Variants in PRKACA observed in about 807,000 individuals in gnomAD.
PRKACA encodes protein kinase cAMP-activated catalytic subunit alpha, also known as cAMP-dependent protein kinase catalytic subunit alpha.
PRKACA carries 9 observed loss-of-function variants against 45.8 expected under a neutral mutation model. The observed-to-expected ratio is 0.20, with a 90% CI of 0.12 to 0.34. The LOEUF (loss-of-function observed/expected upper bound fraction) is 0.34. Among genes scored for constraint, PRKACA ranks in the 10% least tolerant of loss-of-function variants. PRKACA has a pLI of 1.00. For synonymous variants in PRKACA, 160 were observed against 178.6 expected (o/e 0.90, Z 0.83); for missense variants, 238 against 458.6 (o/e 0.52, Z 4.39).
Position 14,117,567 on chromosome 19 carries a change from G to A in PRKACA, c.-20C>T, listed in dbSNP as rs918222384. 282 of 1,145,134 alleles carry A rather than the reference G, an allele frequency of 2.5e-4. No individual in the cohort carries two copies. Among genetic ancestry groups the A allele is most frequent in the Non-Finnish European group, 2.9e-4 (267 of 931,584 alleles). 70.9% of individuals were successfully genotyped at this position (1,145,134 alleles called of 1,614,324 possible). The stretch of plus-strand genomic sequence containing the variant: ...GCCCATCGCGGCGGCGGCGGCCGGG[G>A]CCGGTCCCGGAGCTGCGGCGCGGCG... On this transcript the variant is annotated 5_prime_UTR_variant, in exon 1 of 10. Transcript: ENST00000308677.
At chr19:14,108,997 G>A (rs908469281) in intron 1 of PRKACA, among the ~76,000 whole-genome samples, 3 of 151,162 alleles carry the variant, frequency 2.0e-5, no homozygotes, top group Admixed American at 6.6e-5. Context: ...CAAAGTGCTG[G>A]GATTACAGGC....
In PRKACA at chr19:14,097,819, A is replaced by G; in HGVS notation, c.491T>C (p.Ile164Thr). ...ATTCTCCGGCTTCAGGTCCCTGTAG[A>G]TGAGATCCAGCGAGTGCAGATACTC... ...TFEYLHSLDL[I>T]YRDLKPENLL... The change falls in exon 6 of 10, where the codon ATC becomes ACC. Residue 164 changes from isoleucine to threonine, a missense_variant. Ile to Thr is a moderately conservative substitution (Grantham distance 89). Transcript: ENST00000308677. This position sits in a 1 kb window ranked among gnomAD's most constrained non-coding sequence, Gnocchi z 5.4. 1 of 1,614,146 alleles carries G rather than the reference A, an allele frequency of 6.2e-7. No homozygotes were observed. Among genetic ancestry groups the G allele is most frequent in the Non-Finnish European group, 8.5e-7 (1 of 1,180,024 alleles).
intron 1 of PRKACA, among the ~76,000 whole-genome samples, chr19:14,115,872 T>TC (rs200937294): frequency 0.022 from 3,337 of 149,592 alleles, 110 homozygotes; most frequent in African/African-American, 0.074. Flanking sequence ...GCCTGACTCC[T>TC]CCCCCCCCGG....
In PRKACA at chr19:14,092,895, G is replaced by T. The variant is rs1308810975; in HGVS notation, c.*217C>A. Reference sequence around the variant, plus strand: ...AGAGGAAGGGAAAAGTGGGAGAGGGGGCAGGAGGGTGAAGGGGATGAGGGG... The same window carrying T: ...AGAGGAAGGGAAAAGTGGGAGAGGGTGCAGGAGGGTGAAGGGGATGAGGGG... On this transcript the variant is annotated 3_prime_UTR_variant, in exon 10 of 10. Transcript: ENST00000308677. 5 of 566,390 alleles carry T rather than the reference G, an allele frequency of 8.8e-6. No individual in the cohort carries two copies. The African/African-American group carries it at 9.4e-5, about 11-fold the overall frequency. 35.1% of individuals were successfully genotyped at this position (566,390 alleles called of 1,614,324 possible).
rs1275289677 is a variant in PRKACA at position 14,097,323 on chromosome 19, G to A, written c.765+38C>T. The A allele has an allele frequency of 6.2e-7, 1 of 1,613,586 alleles. No homozygotes were observed. The highest frequency in any genetic ancestry group is 2.2e-5 in the East Asian group (1 of 44,870). On this transcript the variant is annotated intron_variant, in intron 8 of 9. Transcript: ENST00000308677. The surrounding 1 kb of genome is among the most constrained non-coding windows in gnomAD (Gnocchi z 5.4). ...AGGATGGGTGAGCAGGGAACGGTCT[G>A]TTTCTTCCAGGGCTGTGTCCCCACA...
At chr19:14,110,927 AC>A (rs1452780742) in intron 1 of PRKACA, among the ~76,000 whole-genome samples, 3 of 151,994 alleles carry the variant, frequency 2.0e-5, no homozygotes, top group African/African-American at 7.2e-5. Flanking sequence ...GCTGCCTTCA[AC>A]CCCCTGATGT....
chr19:14,104,672 A>T (rs1206858097), intron 3 of PRKACA, among the ~76,000 whole-genome samples: 1 of 139,554 alleles, frequency 7.2e-6, no homozygotes, highest in Admixed American at 7.4e-5. Context: ...CTCCAGCCTG[A>T]GCGACAGAGC....
intron 3 of PRKACA, among the ~76,000 whole-genome samples, chr19:14,104,668 C>T (rs1257677780): frequency 6.7e-6 from 1 of 149,142 alleles, no homozygotes; most frequent in East Asian, 2.0e-4. Flanking sequence ...TGCACTCCAG[C>T]CTGAGCGACA....
chr19:14,107,424 G>C lies in PRKACA; in HGVS notation c.47-15C>G. 6.2e-7 allele frequency: 1 copy of C among 1,612,324 alleles called. No individual in the cohort carries two copies. On this transcript the variant is annotated splice_polypyrimidine_tract_variant and intron_variant, in intron 1 of 9. Coordinates refer to ENST00000308677, the MANE Select transcript of PRKACA (RefSeq NM_002730.4). ...GAATTCTTTCACTGAAAGGGAGAGAGGGGAGAGTTATACAGAGACGCCCGT... is the reference window on the plus strand; with the variant it reads ...GAATTCTTTCACTGAAAGGGAGAGACGGGAGAGTTATACAGAGACGCCCGT...
At chr19:14,114,157 A>G (rs756630808) in intron 1 of PRKACA, 8 of 1,611,224 alleles carry the variant, frequency 5.0e-6, no homozygotes, top group African/African-American at 2.7e-5. Context: ...GGAAGCCATC[A>G]CTCAGTCCTG....
intron 1 of PRKACA, among the ~76,000 whole-genome samples, chr19:14,109,359 A>G (rs1403623894): frequency 3.3e-5 from 5 of 151,590 alleles, no homozygotes; most frequent in Non-Finnish European, 7.4e-5. Flanking sequence ...GTGGCAGGAG[A>G]ATCGCTTCGA....
intron 1 of PRKACA, chr19:14,107,943 C>T (rs1010816459): frequency 3.7e-5 from 37 of 986,780 alleles, no homozygotes; most frequent in South Asian, 4.7e-5. Context: ...AAGTCTCGCC[C>T]GATGCCCACT....
chr19:14,092,597 A>C lies in PRKACA; in HGVS notation c.*515T>G. Reference sequence around the variant, plus strand: ...TTTTTTTAAAAAAATTCTAGCAAGCAACCCACTGAACATGTCACTAAAAAT... The same window carrying C: ...TTTTTTTAAAAAAATTCTAGCAAGCCACCCACTGAACATGTCACTAAAAAT... On this transcript the variant is annotated 3_prime_UTR_variant, in exon 10 of 10. Transcript: ENST00000308677. The C allele has an allele frequency of 2.5e-6, 1 of 398,696 alleles. No homozygotes were observed. Among genetic ancestry groups the C allele is most frequent in the Non-Finnish European group, 4.4e-6 (1 of 226,096 alleles). 24.7% of individuals were successfully genotyped at this position (398,696 alleles called of 1,614,324 possible).
intron 1 of PRKACA, chr19:14,115,013 C>G (rs2144497744): frequency 2.1e-6 from 2 of 954,336 alleles, no homozygotes; most frequent in Admixed American, 1.2e-4. Flanking sequence ...CCCCACCCTT[C>G]TAAGAGGGCA....
chr19:14,100,068 C>T (rs1977397838), intron 5 of PRKACA, among the ~76,000 whole-genome samples: 1 of 152,024 alleles, frequency 6.6e-6, no homozygotes. Context: ...TGGTCTTGAT[C>T]TCCTGACCTC....
At position 14,097,791 on chromosome 19, in the gene PRKACA, C is replaced by A. The variant is rs759833330; in HGVS notation, c.519G>T (p.Leu173=). The change falls in exon 6 of 10, where the codon CTG becomes CTT. Residue 173 remains leucine, a synonymous_variant. Coordinates refer to ENST00000308677, the MANE Select transcript of PRKACA (RefSeq NM_002730.4). The surrounding 1 kb of genome is among the most constrained non-coding windows in gnomAD (Gnocchi z 5.4). ...GAATGTAGCCCTGCTGGTCAATGAG[C>A]AGATTCTCCGGCTTCAGGTCCCTGT... is the stretch of plus-strand genomic sequence containing the variant. The part of the protein sequence containing the change: ...LIYRDLKPEN[L]LIDQQGYIQV... The A allele has an allele frequency of 8.1e-6, 13 of 1,614,176 alleles. No homozygotes were observed. The highest frequency in any genetic ancestry group is 1.1e-5 in the Non-Finnish European group (13 of 1,180,030).
chr19:14,094,946 A>C (rs1205374867), intron 8 of PRKACA, among the ~76,000 whole-genome samples: 2 of 152,196 alleles, frequency 1.3e-5, no homozygotes, highest in Non-Finnish European at 2.9e-5. Flanking sequence ...TGTGCCTCTT[A>C]CACGCTGTGT....
chr19:14,093,512 C>T lies in PRKACA; in HGVS notation c.930+116G>A, dbSNP rs1487787229. The T allele has an allele frequency of 4.4e-6, 6 of 1,357,988 alleles. No homozygotes were observed. The African/African-American group carries it at 8.8e-5, about 20-fold the overall frequency. The allele number at this position is 1,357,988 out of a possible 1,614,324, so 84.1% of individuals were successfully genotyped here. ...TTTCTAGACCCCACTGCTCTAAGCTCTCTACTCTAGGTTGCTCCTGAACCT... is the reference window on the plus strand; with the variant it reads ...TTTCTAGACCCCACTGCTCTAAGCTTTCTACTCTAGGTTGCTCCTGAACCT... On this transcript the variant is annotated intron_variant, in intron 9 of 9. Coordinates refer to ENST00000308677, the MANE Select transcript of PRKACA (RefSeq NM_002730.4).
intron 3 of PRKACA, among the ~76,000 whole-genome samples, chr19:14,105,524 AC>A (rs1401328785): frequency 6.6e-6 from 1 of 151,618 alleles, no homozygotes; most frequent in Non-Finnish European, 1.5e-5. Flanking sequence ...AAAAAAAAAA[AC>A]ATAAAAAAAA....
Sources: allele counts gnomAD v4.1 joint callset (sites outside exome capture counted in the v4.1 genomes callset), GRCh38; gene constraint gnomAD v4.1.1; non-coding constraint Gnocchi (gnomAD v3.1); transcripts MANE v1.5; gene names NCBI Gene and HGNC (gene_info 2026-07-23, HGNC 2026-07-21).